PDE6A: variants seen among roughly 807,000 people sequenced by gnomAD.
The protein encoded by PDE6A is phosphodiesterase 6A, also known as rod cGMP-specific 3',5'-cyclic phosphodiesterase subunit alpha.
Under a neutral mutation model 106.3 loss-of-function variants are expected in PDE6A, and 84 were observed. That is an observed-to-expected ratio of 0.79 (90% CI 0.66 to 0.95). The LOEUF (loss-of-function observed/expected upper bound fraction) is 0.95, where lower values mean the gene tolerates loss of function less well. Among genes scored for constraint, PDE6A ranks in the 40% least tolerant of loss-of-function variants. The pLI is 0.00. For synonymous variants in PDE6A, 394 were observed against 386.6 expected, an observed-to-expected ratio of 1.02 and a Z score of -0.23; for missense variants, 1,052 against 1,084.9, an observed-to-expected ratio of 0.97 and a Z score of 0.43.
chr5:149,922,886 T>C (rs1007401267), intron 4 of PDE6A, among the ~76,000 whole-genome samples: 5 of 152,178 alleles, frequency 3.3e-5, no homozygotes, highest in African/African-American at 1.2e-4. Flanking sequence ...TTCCATGTAA[T>C]AATTTGAGCT....
At chr5:149,895,019 A>T (rs1752682756) in intron 13 of PDE6A, among the ~76,000 whole-genome samples, 164 bp downstream of exon 13, 1 of 152,080 alleles carries the variant, frequency 6.6e-6, no homozygotes, top group African/African-American at 2.4e-5. Flanking sequence ...ATGCATCTCT[A>T]TTCTTGGAAT....
chr5:149,931,083 G>T lies in PDE6A; in HGVS notation c.803C>A (p.Ala268Asp). 1 of 1,614,030 alleles carries T rather than the reference G, an allele frequency of 6.2e-7. No homozygotes were observed. The highest frequency in any genetic ancestry group is 8.5e-7 in the Non-Finnish European group (1 of 1,179,868). The change falls in exon 4 of 22, where the codon GCT (alanine) becomes GAT (aspartate). Residue 268 changes from alanine to aspartate, a missense_variant. Coordinates refer to ENST00000255266, the MANE Select transcript of PDE6A (RefSeq NM_000440.3). ...AGAGTATCTGTCACAGTTGAGGAAA[G>T]CACGGACTGTGTACAGGGCTTTGTG... ...QFHKALYTVR[A>D]FLNCDRYSVG...
At chr5:149,916,325 G>A (rs1753550913) in intron 5 of PDE6A, among the ~76,000 whole-genome samples, 1 of 152,216 alleles carries the variant, frequency 6.6e-6, no homozygotes, top group African/African-American at 2.4e-5. Flanking sequence ...AAAGACGGCT[G>A]CCAGAATCTA....
chr5:149,911,570 GA>G (rs1753388085), intron 6 of PDE6A, among the ~76,000 whole-genome samples: 1 of 152,108 alleles, frequency 6.6e-6, no homozygotes, highest in Non-Finnish European at 1.5e-5. Flanking sequence ...GGCTAACAAC[GA>G]TCACACAATT....
intron 7 of PDE6A, among the ~76,000 whole-genome samples, chr5:149,906,836 A>G (rs1368694467): frequency 6.6e-6 from 1 of 151,918 alleles, no homozygotes; most frequent in African/African-American, 2.4e-5. Flanking sequence ...CAATGGCATG[A>G]TTTCGGCTCA....
chr5:149,871,066 A>G (rs1760531070), intron 17 of PDE6A, among the ~76,000 whole-genome samples: 1 of 152,162 alleles, frequency 6.6e-6, no homozygotes, highest in South Asian at 2.1e-4. Flanking sequence ...GCCCTCTGTA[A>G]TGGACAGAAT....
chr5:149,920,942 A>AAGAAAGAAAGAAAG (rs1554091212), intron 5 of PDE6A, among the ~76,000 whole-genome samples: 1 of 108,282 alleles, frequency 9.2e-6, no homozygotes, highest in East Asian at 2.6e-4. Flanking sequence ...GAAAGAGAGA[A>AAGAAAGAAAGAAAG]AAAGAAAGAA....
At chr5:149,917,901 G>A (rs1009269101) in intron 5 of PDE6A, among the ~76,000 whole-genome samples, 3 of 152,146 alleles carry the variant, frequency 2.0e-5, no homozygotes, top group Non-Finnish European at 2.9e-5. Context: ...TCAGGGCCGG[G>A]TATATAGAGT....
chr5:149,898,281 G>C, intron 10 of PDE6A, 82 bp downstream of exon 10: 1 of 1,289,444 alleles, frequency 7.8e-7, no homozygotes, highest in Non-Finnish European at 1.1e-6. Context: ...CCCTCATGGA[G>C]TTGCAAGTTT....
At chr5:149,891,205 G>A (rs1376923985) in intron 13 of PDE6A, among the ~76,000 whole-genome samples, 1 of 152,152 alleles carries the variant, frequency 6.6e-6, no homozygotes, top group Non-Finnish European at 1.5e-5. Context: ...TGCGGAGGCT[G>A]GTGCCTGTAA....
intron 1 of PDE6A, 27 bp downstream of exon 1, chr5:149,944,173 C>G (rs760608472): frequency 6.4e-7 from 1 of 1,556,698 alleles, no homozygotes; most frequent in Non-Finnish European, 8.9e-7. Flanking sequence ...ATGCCCCATG[C>G]CCTCTCTCTC....
chr5:149,933,541 A>G lies in PDE6A; in HGVS notation c.717+389T>C, dbSNP rs374193320. On this transcript the variant is annotated intron_variant, in intron 3 of 21. Transcript: ENST00000255266. The stretch of plus-strand genomic sequence containing the variant: ...TTTATCTCATAGGTTTTTAATAAAA[A>G]TAATAAGAAACTTCAATTGAGCACT... Among the ~76,000 whole-genome samples, 47 of 152,366 alleles carry G rather than the reference A, an allele frequency of 3.1e-4. 2 individuals carry two copies. Among genetic ancestry groups the G allele is most frequent in the East Asian group, 1.5e-3 (8 of 5,188 alleles).
chr5:149,873,028 C>G (rs993632321), intron 17 of PDE6A, among the ~76,000 whole-genome samples: 2 of 152,066 alleles, frequency 1.3e-5, no homozygotes, highest in Non-Finnish European at 2.9e-5. Context: ...CACCGAGGGC[C>G]CACGATATTC....
chr5:149,877,240 A>G lies in PDE6A; in HGVS notation c.2135+6189T>C, dbSNP rs549441523. ...GGGAATGGGGGTGGGGTTCAGGGGG[A>G]GTGCCTGGCAATTAAAGTTGTAAAA... On this transcript the variant is annotated intron_variant, in intron 17 of 21. Coordinates refer to ENST00000255266, the MANE Select transcript of PDE6A (RefSeq NM_000440.3). Among the ~76,000 whole-genome samples the G allele has an allele frequency of 4.1e-3, 623 of 152,092 alleles. 11 individuals are homozygous for G. Among genetic ancestry groups the G allele is most frequent in the African/African-American group, 0.014 (582 of 41,480 alleles).
chr5:149,931,100 G>T lies in PDE6A; in HGVS notation c.786C>A (p.Ala262=). 1.2e-6 allele frequency: 2 copies of T among 1,613,876 alleles called. No homozygotes were observed. The highest frequency in any genetic ancestry group is 1.7e-6 in the Non-Finnish European group (2 of 1,179,762). ...LTDIERQFHK[A]LYTVRAFLNC... is the part of the protein sequence containing the mutation. Reference sequence around the variant, plus strand: ...TGAGGAAAGCACGGACTGTGTACAGGGCTTTGTGGAACTGTCGTTCGATGT... The same window carrying T: ...TGAGGAAAGCACGGACTGTGTACAGTGCTTTGTGGAACTGTCGTTCGATGT... The change falls in exon 4 of 22, where the codon GCC becomes GCA. Residue 262 remains alanine (A), a synonymous_variant. Coordinates refer to ENST00000255266, the MANE Select transcript of PDE6A (RefSeq NM_000440.3).
chr5:149,880,493 C>T (rs769068940), intron 17 of PDE6A, among the ~76,000 whole-genome samples: 12 of 152,004 alleles, frequency 7.9e-5, no homozygotes, highest in African/African-American at 2.4e-4. Flanking sequence ...GGGCGGATCA[C>T]GAGGTCAGGA....
intron 5 of PDE6A, among the ~76,000 whole-genome samples, chr5:149,918,883 A>C (rs1018162414): frequency 6.6e-6 from 1 of 151,988 alleles, no homozygotes; most frequent in Non-Finnish European, 1.5e-5. Flanking sequence ...TCAGCCTCCC[A>C]AAGTTCTTGG....
intron 4 of PDE6A, among the ~76,000 whole-genome samples, chr5:149,925,188 G>C (rs1193715549): frequency 1.3e-5 from 2 of 152,040 alleles, no homozygotes; most frequent in South Asian, 2.1e-4. Flanking sequence ...GAAAAATCTA[G>C]AGGGGAAACA....
At chr5:149,900,007 T>A (rs114859692) in intron 8 of PDE6A, among the ~76,000 whole-genome samples, 2 of 152,048 alleles carry the variant, frequency 1.3e-5, no homozygotes, top group Non-Finnish European at 2.9e-5. Flanking sequence ...ATCTATAGAA[T>A]GGAAAGAATC....
Sources: allele counts gnomAD v4.1 joint callset (sites outside exome capture counted in the v4.1 genomes callset), GRCh38; gene constraint gnomAD v4.1.1; transcripts MANE v1.5; gene names NCBI Gene and HGNC (gene_info 2026-07-23, HGNC 2026-07-21).